OTOGL: variants seen among roughly 807,000 people sequenced by gnomAD.
OTOGL encodes the protein otogelin like.
Under a neutral mutation model 318.5 loss-of-function variants are expected in OTOGL, and 285 were observed. The ratio of observed to expected loss-of-function variants is 0.89; its 90% CI spans 0.81 to 0.99. The LOEUF is 0.99. OTOGL is among the 50% of genes least tolerant of loss of function. The probability of loss-of-function intolerance (pLI) is 0.00; values close to 1 mark genes in which losing one functional copy is unlikely to be tolerated. For missense variants in OTOGL, 2,899 were observed against 2,845.6 expected (o/e 1.02, Z -0.43); for synonymous variants, 987 against 936.5 (o/e 1.05, Z -0.99).
intron 1 of OTOGL, among the ~76,000 whole-genome samples, chr12:80,100,311 G>A (rs190479533): frequency 6.6e-5 from 10 of 152,002 alleles, no homozygotes; most frequent in South Asian, 2.1e-4. Flanking sequence ...TTAAGCCACC[G>A]AACACTAGAT....
At chr12:80,130,078 G>A (rs1871143739) in intron 1 of OTOGL, among the ~76,000 whole-genome samples, 1 of 151,686 alleles carries the variant, frequency 6.6e-6, no homozygotes, top group Non-Finnish European at 1.5e-5. Flanking sequence ...CCTTGTCCAA[G>A]TCTATGTCAT....
rs781350147 is a variant in OTOGL, at chr12:80,320,686, G to A, written c.4067G>A (p.Ser1356Asn). ...TCTGAAGAATTTAAACATTCAAGTA[G>A]CTTCAGCATAGAAGGTATGTTTCCT... ...DDSEEFKHSS[S>N]FSIEEIQAAV... is the part of the protein sequence containing the mutation. Residue 1356 changes from serine to asparagine, a missense_variant, in exon 34 of 59, where the codon AGC (serine) becomes AAC (asparagine). Transcript: ENST00000547103. 3 of 1,602,492 alleles carry A rather than the reference G, an allele frequency of 1.9e-6. No individual in the cohort carries two copies. The highest frequency in any genetic ancestry group is 8.5e-7 in the Non-Finnish European group (1 of 1,174,114).
intron 1 of OTOGL, among the ~76,000 whole-genome samples, chr12:80,170,245 G>A (rs1166652388): frequency 6.7e-6 from 1 of 149,638 alleles, no homozygotes; most frequent in Admixed American, 6.6e-5. Flanking sequence ...GTATGTATGT[G>A]TGTGTGTATG....
intron 37 of OTOGL, among the ~76,000 whole-genome samples, chr12:80,331,333 ATT>A (rs386377119): frequency 2.0e-3 from 166 of 81,788 alleles, no homozygotes; most frequent in Non-Finnish European, 3.0e-3. Context: ...AGTCATTAGA[ATT>A]TTTTTTTTTT....
At chr12:80,103,118 C>T in intron 1 of OTOGL, 1 of 1,112,138 alleles carries the variant, frequency 9.0e-7, no homozygotes, top group Non-Finnish European at 1.4e-6. Flanking sequence ...TCCTGTAAAC[C>T]TGGACCACTT....
intron 29 of OTOGL, 143 bp from the exon 30 acceptor site, chr12:80,310,468 G>A (rs1046404241): frequency 6.7e-6 from 4 of 593,824 alleles, no homozygotes; most frequent in African/African-American, 1.9e-5. Flanking sequence ...TGAATAGGAT[G>A]TGAGCAGGTG....
intron 1 of OTOGL, among the ~76,000 whole-genome samples, chr12:80,152,463 A>G (rs992050858): frequency 5.3e-5 from 8 of 152,194 alleles, no homozygotes; most frequent in African/African-American, 1.9e-4. Flanking sequence ...TAATAGTGAC[A>G]GAAGCATGGT....
intron 1 of OTOGL, among the ~76,000 whole-genome samples, chr12:80,176,889 C>T (rs1441299406): frequency 2.0e-5 from 3 of 152,010 alleles, no homozygotes; most frequent in Non-Finnish European, 2.9e-5. Context: ...TGTTGTTCTC[C>T]ATCATTGCCA....
At chr12:80,312,390 T>G (rs553992783) in intron 30 of OTOGL, among the ~76,000 whole-genome samples, 1 of 152,360 alleles carries the variant, frequency 6.6e-6, no homozygotes, top group South Asian at 2.1e-4. Flanking sequence ...CATATATAAA[T>G]ATTTTTCAAT....
chr12:80,192,088 C>G (rs1475201787), intron 1 of OTOGL, among the ~76,000 whole-genome samples: 1 of 152,174 alleles, frequency 6.6e-6, no homozygotes, highest in Non-Finnish European at 1.5e-5. Flanking sequence ...TGTTTTCCTC[C>G]TCTTCTTTCC....
At chr12:80,327,620 A>G (rs1282710711) in intron 35 of OTOGL, among the ~76,000 whole-genome samples, 1 of 151,708 alleles carries the variant, frequency 6.6e-6, no homozygotes, top group Non-Finnish European at 1.5e-5. Flanking sequence ...AGGCAATGAT[A>G]GTGTCAAAGA....
At chr12:80,202,697 A>AC (rs1392860815) in intron 1 of OTOGL, among the ~76,000 whole-genome samples, 1 of 151,846 alleles carries the variant, frequency 6.6e-6, no homozygotes, top group East Asian at 1.9e-4. Context: ...GGATTAGTAG[A>AC]CCCCCATCTA....
chr12:80,367,635 G>T lies in OTOGL; in HGVS notation c.6406G>T (p.Glu2136Ter). The T allele has an allele frequency of 6.5e-7, 1 of 1,535,942 alleles. No individual in the cohort carries two copies. The highest frequency in any genetic ancestry group is 2.3e-5 in the East Asian group (1 of 42,816). Residue 2136 changes from glutamate to a stop codon, truncating the protein, a stop_gained, in exon 54 of 59, where the codon GAA (glutamate) becomes TAA (stop). Transcript: ENST00000547103. LOFTEE classifies it high-confidence loss of function. ...ACAATCCATGATAAAGTATTTGGAA[G>T]AAGACTTTTGTTATGCTATAGAGTG... Reference protein sequence around the residue: ...PGQSMIKYLEEDFCYAIECLE... With the variant: ...PGQSMIKYLE
At chr12:80,207,253 G>A (rs1876877716) in intron 1 of OTOGL, among the ~76,000 whole-genome samples, 1 of 152,084 alleles carries the variant, frequency 6.6e-6, no homozygotes, top group African/African-American at 2.4e-5. Flanking sequence ...CCAGGCTGGA[G>A]TGCAATGGCA....
Position 80,296,915 on chromosome 12 carries a change from C to G in OTOGL, c.3017C>G (p.Ser1006Ter), listed in dbSNP as rs1412415385. The G allele has an allele frequency of 6.5e-7, 1 of 1,548,566 alleles. No homozygotes were observed. Among genetic ancestry groups the G allele is most frequent in the East Asian group, 2.3e-5 (1 of 43,452 alleles). ...GTTTGTTCTAAAAGTGTTTTGATTT[C>G]AGTTGGGGACACTGAAATTTACCTG... ...DIVCSKSVLI[S>*]VGDTEIYLND... The change falls in exon 27 of 59, where the codon TCA becomes TGA. Residue 1006 changes from serine to a stop codon, truncating the protein, a stop_gained. Coordinates refer to ENST00000547103, the MANE Select transcript of OTOGL (RefSeq NM_001378609.3). LOFTEE classifies it high-confidence loss of function.
Position 80,355,827 on chromosome 12 carries a change from T to C in OTOGL, c.5685T>C (p.Asn1895=). 2 of 1,613,924 alleles carry C rather than the reference T, an allele frequency of 1.2e-6. No individual in the cohort carries two copies. The highest frequency in any genetic ancestry group is 8.5e-7 in the Non-Finnish European group (1 of 1,179,842). The change falls in exon 47 of 59, where the codon AAT becomes AAC. Residue 1895 remains asparagine (N), a synonymous_variant. Coordinates refer to ENST00000547103, the MANE Select transcript of OTOGL (RefSeq NM_001378609.3). ...GCACTCTATACAAATGTTTGGAGAA[T>C]GGAAGCATTATCCCTATAGAACCTG... ...DECTLYKCLE[N]GSIIPIEPDC...
chr12:80,294,211 T>C (rs1346419777), intron 26 of OTOGL, among the ~76,000 whole-genome samples: 1 of 152,032 alleles, frequency 6.6e-6, no homozygotes, highest in African/African-American at 2.4e-5. Flanking sequence ...TATAGAAATG[T>C]GACTTTTAGG....
At chr12:80,144,447 G>A (rs1339000126) in intron 1 of OTOGL, among the ~76,000 whole-genome samples, 3 of 148,302 alleles carry the variant, frequency 2.0e-5, no homozygotes, top group Admixed American at 6.7e-5. Flanking sequence ...TCTTAATCCG[G>A]TCTATCATTG....
intron 38 of OTOGL, among the ~76,000 whole-genome samples, chr12:80,335,330 G>A (rs1224381582): frequency 2.0e-5 from 3 of 152,034 alleles, no homozygotes; most frequent in South Asian, 2.1e-4. Context: ...ATCTACCTTA[G>A]AGGGTTAAGA....
Sources: allele counts gnomAD v4.1 joint callset (sites outside exome capture counted in the v4.1 genomes callset), GRCh38; gene constraint gnomAD v4.1.1; transcripts MANE v1.5; gene names NCBI Gene and HGNC (gene_info 2026-07-23, HGNC 2026-07-21).